The following DMD variants were observed in gnomAD, a reference collection of about 807,000 sequenced individuals.
DMD encodes the protein dystrophin.
A neutral mutation model predicts 330.1 loss-of-function variants in DMD; 63 were observed. That is an observed-to-expected ratio of 0.19 (90% CI 0.16 to 0.24). The LOEUF (loss-of-function observed/expected upper bound fraction) is 0.24, where lower values mean the gene tolerates loss of function less well. Ranked by LOEUF, DMD falls within the 10% of genes least tolerant of loss-of-function variation. DMD has a pLI of 1.00. For missense variants in DMD, 3,344 were observed against 2,684.1 expected, an observed-to-expected ratio of 1.25 and a Z score of -5.43; for synonymous variants, 1,223 against 959.8, an observed-to-expected ratio of 1.27 and a Z score of -5.07.
rs748819370 is a variant in DMD at position 31,120,970 on chromosome X, C to CT, written c.*948dup. On this transcript the variant is annotated 3_prime_UTR_variant, in exon 79 of 79. Transcript: ENST00000357033. ...CCCTTTAAAAAAATCCAATACTTTA[C>CT]TTTACTTTCGTTGTCAGTGGAAAGT... The CT allele has an allele frequency of 5.4e-5, 6 of 111,276 alleles. No individual in the cohort carries two copies. Among genetic ancestry groups the CT allele is most frequent in the Non-Finnish European group, 9.4e-5 (5 of 53,029 alleles). 9.2% of individuals were successfully genotyped at this position (111,276 alleles called of 1,213,427 possible).
chrX:32,030,866 TTAGA>T (rs1445969466), intron 44 of DMD, among the ~76,000 whole-genome samples: 9 of 111,839 alleles, frequency 8.0e-5, no homozygotes, highest in Admixed American at 7.6e-4. Context: ...GTTAAATTAC[TTAGA>T]TAGTCACAAG....
At chrX:31,340,741 C>A (rs1356345567) in intron 61 of DMD, among the ~76,000 whole-genome samples, 2 of 111,958 alleles carry the variant, frequency 1.8e-5, no homozygotes, top group African/African-American at 6.5e-5. Context: ...AAATCTCATG[C>A]CTCTGTGTAT....
chrX:32,011,748 G>A (rs1455797987), intron 44 of DMD, among the ~76,000 whole-genome samples: 2 of 111,287 alleles, frequency 1.8e-5, no homozygotes, highest in Non-Finnish European at 3.8e-5. Flanking sequence ...AGCCATAAGT[G>A]AGAACAGCTT....
intron 63 of DMD, among the ~76,000 whole-genome samples, chrX:31,235,301 G>A (rs765248378): frequency 1.8e-5 from 2 of 111,902 alleles, no homozygotes; most frequent in East Asian, 5.6e-4. Flanking sequence ...CATTTTTAAG[G>A]TTAATGGCAT....
intron 16 of DMD, among the ~76,000 whole-genome samples, chrX:32,548,372 C>A (rs890526038): frequency 1.8e-5 from 2 of 111,669 alleles, no homozygotes; most frequent in Admixed American, 9.5e-5. Flanking sequence ...AAACAGATTT[C>A]TCTCAGCTAG....
At chrX:32,641,159 T>A (rs2059420357) in intron 11 of DMD, among the ~76,000 whole-genome samples, 1 of 111,127 alleles carries the variant, frequency 9.0e-6, no homozygotes, top group Non-Finnish European at 1.9e-5. Flanking sequence ...GATCACAAAG[T>A]CTAAAGTAGC....
intron 7 of DMD, among the ~76,000 whole-genome samples, chrX:32,734,852 C>G (rs1203786968): frequency 9.7e-6 from 1 of 103,179 alleles, no homozygotes; most frequent in Non-Finnish European, 1.9e-5. Context: ...TGAAAACTGG[C>G]ACAAGACAGG....
chrX:33,248,677 G>A (rs1325197562), intron 1 of DMD, among the ~76,000 whole-genome samples: 2 of 111,660 alleles, frequency 1.8e-5, no homozygotes, highest in South Asian at 3.7e-4. Context: ...AATTACCAGA[G>A]GAAGAGAAAA....
intron 62 of DMD, among the ~76,000 whole-genome samples, chrX:31,307,275 C>A (rs973007256): frequency 2.7e-5 from 3 of 111,817 alleles, no homozygotes; most frequent in African/African-American, 9.7e-5. Flanking sequence ...TTTTCCAGTT[C>A]ACAAGTGAAA....
chrX:32,950,531 G>A (rs894099422), intron 2 of DMD, among the ~76,000 whole-genome samples: 1 of 110,880 alleles, frequency 9.0e-6, no homozygotes, highest in South Asian at 3.9e-4. Context: ...ATATTTCTTG[G>A]AAAGCACAAT....
At position 32,309,042 on chromosome X, in the gene DMD, C is replaced by T. The variant is rs139418456; in HGVS notation, c.6117+1040G>A. ...TCAAACAGAATAAGAAACAGTGCCA[C>T]ACTGACATGGATGGAATAGTTCCAG... On this transcript the variant is annotated intron_variant, in intron 42 of 78. Transcript: ENST00000357033. Among the ~76,000 whole-genome samples the T allele has an allele frequency of 3.4e-3, 377 of 111,226 alleles. 12 individuals are homozygous for T. In the East Asian group the frequency reaches 0.091, roughly 27 times the overall value.
At chrX:32,610,488 G>A (rs1415758640) in intron 12 of DMD, among the ~76,000 whole-genome samples, 2 of 111,410 alleles carry the variant, frequency 1.8e-5, no homozygotes, top group East Asian at 5.7e-4. Context: ...CTGTTGAAAT[G>A]AAGATAGCAA....
chrX:31,280,995 C>A (rs921805106), intron 62 of DMD, among the ~76,000 whole-genome samples: 1 of 111,490 alleles, frequency 9.0e-6, no homozygotes, highest in Non-Finnish European at 1.9e-5. Flanking sequence ...CCATAACTTC[C>A]ACATATCTAG....
intron 7 of DMD, among the ~76,000 whole-genome samples, chrX:32,706,266 GA>G (rs2064638724): frequency 3.9e-5 from 4 of 101,818 alleles, no homozygotes; most frequent in Non-Finnish European, 8.0e-5. Flanking sequence ...ATAGCATTAG[GA>G]GATATACCTA....
chrX:31,690,364 A>C (rs1327587950), intron 52 of DMD, among the ~76,000 whole-genome samples: 2 of 112,496 alleles, frequency 1.8e-5, no homozygotes, highest in Non-Finnish European at 3.8e-5. Context: ...AGACACATGA[A>C]AAAATGCTCA....
At chrX:32,039,106 T>C (rs1370447578) in intron 44 of DMD, among the ~76,000 whole-genome samples, 5 of 111,322 alleles carry the variant, frequency 4.5e-5, no homozygotes, top group African/African-American at 1.3e-4. Context: ...GGGTGAATAA[T>C]GGCAATCCAA....
intron 2 of DMD, among the ~76,000 whole-genome samples, chrX:33,014,569 T>C (rs1480037596): frequency 2.7e-5 from 3 of 111,295 alleles, no homozygotes; most frequent in African/African-American, 9.8e-5. Flanking sequence ...AACAAGGAAA[T>C]ATGGCTTATT....
chrX:32,466,066 C>T lies in DMD; in HGVS notation c.3163-1367G>A, dbSNP rs148628529. ...TATTATTTCCCTCTTTAACCAATAG[C>T]AGTTTTTTCTTATTAAGTTTTTATT... is the stretch of plus-strand genomic sequence containing the variant. On this transcript the variant is annotated intron_variant, in intron 23 of 78. Coordinates refer to ENST00000357033, the MANE Select transcript of DMD (RefSeq NM_004006.3). 2.1e-3 allele frequency among the ~76,000 whole-genome samples: 236 copies of T among 110,995 alleles called. 1 individual carries two copies. The highest frequency in any genetic ancestry group is 7.6e-3 in the African/African-American group (230 of 30,333).
chrX:33,255,903 T>C (rs1485179960), intron 1 of DMD, among the ~76,000 whole-genome samples: 2 of 111,660 alleles, frequency 1.8e-5, no homozygotes, highest in Admixed American at 1.9e-4. Context: ...AATTAGGCCA[T>C]CCATACCTGC....
Sources: gnomAD v4.1 joint callset for allele counts (sites outside exome capture counted in the v4.1 genomes callset) on GRCh38, gnomAD v4.1.1 for gene constraint, MANE v1.5 for transcripts, NCBI Gene and HGNC (gene_info 2026-07-23, HGNC 2026-07-21) for gene names.